Variants in LYPLAL1 observed in about 807,000 individuals in gnomAD.
LYPLAL1 encodes the protein lysophospholipase-like protein 1.
Under a neutral mutation model 19.7 loss-of-function variants are expected in LYPLAL1, and 23 were observed. That is an observed-to-expected ratio of 1.17 (90% CI 0.84 to 1.65). The LOEUF (loss-of-function observed/expected upper bound fraction) is 1.65. LYPLAL1 is among the 40% of genes most tolerant of loss of function. The pLI is 0.00. For synonymous variants in LYPLAL1, 119 were observed against 96.3 expected (o/e 1.24, Z -1.38); for missense variants, 355 against 279.4 (o/e 1.27, Z -1.93).
the LYPLAL1 span, among the ~76,000 whole-genome samples, chr1:219,304,327 C>T: frequency 5.9e-5 from 9 of 152,188 alleles, no homozygotes; most frequent in Admixed American, 5.2e-4. Flanking sequence ...CCAAGATGCT[C>T]AGTTTAATTC....
At chr1:219,200,099 A>G (rs1657975511) in intron 3 of LYPLAL1, 3 of 229,770 alleles carry the variant, frequency 1.3e-5, no homozygotes, top group South Asian at 1.5e-4. Context: ...GGTGCCAACC[A>G]TACAGCCTCC....
the LYPLAL1 span, among the ~76,000 whole-genome samples, chr1:219,355,255 C>T: frequency 6.6e-6 from 1 of 152,104 alleles, no homozygotes; most frequent in Non-Finnish European, 1.5e-5. Context: ...TTGGACAGCA[C>T]AGCCTACGAT....
chr1:219,332,754 G>A, the LYPLAL1 span, among the ~76,000 whole-genome samples: 1 of 142,630 alleles, frequency 7.0e-6, no homozygotes, highest in Non-Finnish European at 1.5e-5. Context: ...TTTTTTTAAA[G>A]CATAAAACCT....
chr1:219,443,955 G>A, the LYPLAL1 span, among the ~76,000 whole-genome samples: 1 of 152,134 alleles, frequency 6.6e-6, no homozygotes, highest in Non-Finnish European at 1.5e-5. Flanking sequence ...CTCACGCTGG[G>A]ACCAGTGAGA....
the LYPLAL1 span, among the ~76,000 whole-genome samples, chr1:219,404,593 G>A: frequency 6.6e-6 from 1 of 152,032 alleles, no homozygotes; most frequent in East Asian, 1.9e-4. Context: ...AGGGCCCTAT[G>A]AAAACACACA....
At chr1:219,311,077 C>CT in the LYPLAL1 span, among the ~76,000 whole-genome samples, 1 of 151,194 alleles carries the variant, frequency 6.6e-6, no homozygotes, top group African/African-American at 2.4e-5. Flanking sequence ...ACCCTGTAGT[C>CT]TTATTCATCA....
At position 219,210,518 on chromosome 1, in the gene LYPLAL1, G is replaced by C. The variant is rs753852341; in HGVS notation, c.362-14G>C. ...TTTTATGTATTCTACTTTTAAGTAT[G>C]TTTTTGTTTTTAGGAGGATTCTCTA... is the stretch of plus-strand genomic sequence containing the variant. On this transcript the variant is annotated splice_polypyrimidine_tract_variant and intron_variant, in intron 3 of 4. Coordinates refer to ENST00000366928, the MANE Select transcript of LYPLAL1 (RefSeq NM_138794.5). 2.1e-6 allele frequency: 3 copies of C among 1,456,006 alleles called. No individual in the cohort carries two copies. Among genetic ancestry groups the C allele is most frequent in the Non-Finnish European group, 2.8e-6 (3 of 1,071,314 alleles). 90.2% of individuals were successfully genotyped at this position (1,456,006 alleles called of 1,614,324 possible).
chr1:219,294,485 T>C, the LYPLAL1 span, among the ~76,000 whole-genome samples: 2 of 152,200 alleles, frequency 1.3e-5, no homozygotes, highest in Non-Finnish European at 2.9e-5. Context: ...GCTGCTCCCT[T>C]ACTTATCTCT....
the LYPLAL1 span, among the ~76,000 whole-genome samples, chr1:219,395,239 TA>T: frequency 6.6e-6 from 1 of 152,216 alleles, no homozygotes; most frequent in South Asian, 2.1e-4. Flanking sequence ...ACACTCTCAC[TA>T]ACAGTCTATA....
chr1:219,410,460 T>G, the LYPLAL1 span, among the ~76,000 whole-genome samples: 16 of 152,232 alleles, frequency 1.1e-4, no homozygotes, highest in Non-Finnish European at 8.8e-5. Flanking sequence ...TAATTTGTTT[T>G]GTTTGGTTTT....
chr1:219,340,554 G>A, the LYPLAL1 span, among the ~76,000 whole-genome samples: 1 of 152,004 alleles, frequency 6.6e-6, no homozygotes, highest in Middle Eastern at 3.4e-3. Context: ...ATAATAGGTG[G>A]GTTAGGTTTT....
chr1:219,277,395 A>G, the LYPLAL1 span, among the ~76,000 whole-genome samples: 25 of 152,298 alleles, frequency 1.6e-4, no homozygotes, highest in African/African-American at 6.0e-4. Context: ...ATGACAGAGC[A>G]TAGAACAGCC....
chr1:219,225,127 G>A, the LYPLAL1 span, among the ~76,000 whole-genome samples: 2 of 152,048 alleles, frequency 1.3e-5, no homozygotes, highest in Admixed American at 6.6e-5. Context: ...CTGGCTCCAT[G>A]TCTATACCTC....
the LYPLAL1 span, among the ~76,000 whole-genome samples, chr1:219,240,822 C>A: frequency 6.6e-6 from 1 of 151,884 alleles, no homozygotes; most frequent in Non-Finnish European, 1.5e-5. Flanking sequence ...TTCTCTCTTC[C>A]TGTGCACACG....
chr1:219,241,193 G>A, the LYPLAL1 span, among the ~76,000 whole-genome samples: 1 of 126,334 alleles, frequency 7.9e-6, no homozygotes, highest in African/African-American at 3.0e-5. Context: ...CTGTTGACAT[G>A]GCCAGAAGGA....
the LYPLAL1 span, among the ~76,000 whole-genome samples, chr1:219,283,785 G>T: frequency 6.6e-6 from 1 of 152,136 alleles, no homozygotes; most frequent in African/African-American, 2.4e-5. Flanking sequence ...TGATCTGTGG[G>T]TAGAGACTTA....
the LYPLAL1 span, among the ~76,000 whole-genome samples, chr1:219,276,898 G>A: frequency 4.5e-4 from 68 of 152,276 alleles, 3 homozygotes; most frequent in East Asian, 0.013. Context: ...TTATTGTCCC[G>A]ATGGTAGGAT....
chr1:219,313,872 C>CATGTGCACATTGCACATGTGCA, the LYPLAL1 span, among the ~76,000 whole-genome samples: 1 of 152,140 alleles, frequency 6.6e-6, no homozygotes, highest in Non-Finnish European at 1.5e-5. Flanking sequence ...AAGTCTGTTA[C>CATGTGCACATTGCACATGTGCA]ATAGGTAAAT....
chr1:219,347,311 GT>G, the LYPLAL1 span, among the ~76,000 whole-genome samples: 8 of 828 alleles, frequency 9.7e-3, no homozygotes, highest in Admixed American at 0.12. Flanking sequence ...GCTTCTGAAT[GT>G]TGATCAGTGT....
Sources: gnomAD v4.1 joint callset for allele counts (sites outside exome capture counted in the v4.1 genomes callset) on GRCh38, gnomAD v4.1.1 for gene constraint, MANE v1.5 for transcripts, NCBI Gene and HGNC (gene_info 2026-07-23, HGNC 2026-07-21) for gene names.